The following CLTB variants were observed in gnomAD, a reference collection of about 807,000 sequenced individuals.
CLTB encodes the protein clathrin light chain B.
CLTB carries 10 observed loss-of-function variants against 30.5 expected under a neutral mutation model. That is an observed-to-expected ratio of 0.33 (90% confidence interval 0.20 to 0.56). The LOEUF is 0.56. Among genes scored for constraint, CLTB ranks in the 20% least tolerant of loss-of-function variants. The pLI, the probability that CLTB is intolerant of heterozygous loss-of-function variation, is 0.91. For missense variants in CLTB, 261 were observed against 308.3 expected, an observed-to-expected ratio of 0.85 and a Z score of 1.15; for synonymous variants, 102 against 120.3, an observed-to-expected ratio of 0.85 and a Z score of 1.00.
In CLTB at chr5:176,416,367, C is replaced by A. The variant is rs1757693618; in HGVS notation, c.-4G>T. On this transcript the variant is annotated 5_prime_UTR_variant, in exon 1 of 6. Coordinates refer to ENST00000310418, the MANE Select transcript of CLTB (RefSeq NM_007097.5). ...AGAAGCCAAAGTCATCAGCCATTTTCCCCGCGCCTCCGCCGGAGCCTCCGC... is the reference window on the plus strand; with the variant it reads ...AGAAGCCAAAGTCATCAGCCATTTTACCCGCGCCTCCGCCGGAGCCTCCGC... 1.3e-6 allele frequency: 2 copies of A among 1,585,652 alleles called. No homozygotes were observed. The highest frequency in any genetic ancestry group is 1.7e-6 in the Non-Finnish European group (2 of 1,169,848).
rs937394200 is a variant in CLTB at position 176,393,981 on chromosome 5, C to A, written c.519-1036G>T. Reference sequence around the variant, plus strand: ...TGCCAGACATGACTGATGGCAGGAGCGCTCCATGGAAGAGCTGACCCCGGA... The same window carrying A: ...TGCCAGACATGACTGATGGCAGGAGAGCTCCATGGAAGAGCTGACCCCGGA... On this transcript the variant is annotated intron_variant, in intron 5 of 5. Coordinates refer to ENST00000310418, the MANE Select transcript of CLTB (RefSeq NM_007097.5). The surrounding 1 kb of genome is among the most constrained non-coding windows in gnomAD (Gnocchi z 4.4). 1.3e-5 allele frequency among the ~76,000 whole-genome samples: 2 copies of A among 152,180 alleles called. No homozygotes were observed. The highest frequency in any genetic ancestry group is 2.9e-5 in the Non-Finnish European group (2 of 68,036).
chr5:176,398,460 C>T (rs2113638727), intron 2 of CLTB, among the ~76,000 whole-genome samples: 1 of 152,142 alleles, frequency 6.6e-6, no homozygotes, highest in South Asian at 2.1e-4. Context: ...ACCTGTAATC[C>T]CAACACTTTG....
Position 176,397,651 on chromosome 5 carries a change from G to T in CLTB, c.420C>A (p.Asn140Lys). The T allele has an allele frequency of 6.2e-7, 1 of 1,612,736 alleles. No homozygotes were observed. The highest frequency in any genetic ancestry group is 8.5e-7 in the Non-Finnish European group (1 of 1,179,780). The change falls in exon 4 of 6, where the codon AAC becomes AAA. Residue 140 changes from asparagine to lysine, a missense_variant. By Grantham distance (94) the Asn-to-Lys change is moderately conservative (BLOSUM62 0). This residue lies in a region of CLTB where 123 missense variants were observed against 157.0 expected (regional missense o/e 0.78). Transcript: ENST00000310418. The part of the protein sequence containing the change: ...EKAKKDLEEW[N>K]QRQSEQVEKN... ...TCTCTACTTGTTCACTCTGGCGCTG[G>T]TTCCACTCCTCCAGGTCCTTCTTGG...
chr5:176,401,398 C>T (rs1022608422), intron 2 of CLTB, among the ~76,000 whole-genome samples: 7 of 152,248 alleles, frequency 4.6e-5, no homozygotes, highest in African/African-American at 1.7e-4. Context: ...CCAATCCCCA[C>T]TCCTTGAGCA....
intron 2 of CLTB, chr5:176,406,711 G>T (rs762952429): frequency 1.2e-5 from 16 of 1,284,336 alleles, no homozygotes; most frequent in Middle Eastern, 2.2e-4. Context: ...TGCACGGGCT[G>T]CAGAAAAGAG....
Position 176,401,602 on chromosome 5 carries a change from A to G in CLTB, c.235-3555T>C, listed in dbSNP as rs1244623395. 1.3e-5 allele frequency: 5 copies of G among 394,836 alleles called. No homozygotes were observed. The East Asian group carries it at 3.6e-4, about 29-fold the overall frequency. 24.5% of individuals were successfully genotyped at this position (394,836 alleles called of 1,614,324 possible). A position where few individuals can be genotyped will look rare whatever the true frequency, so the allele number is the denominator to read the frequency against. On this transcript the variant is annotated intron_variant, in intron 2 of 5. Transcript: ENST00000310418. ...GCACTGTCTTTAGGGTGACATCCAC[A>G]TGGCATCGAGACCTCAGCCTTTAGG...
intron 3 of CLTB, 97 bp from the exon 4 acceptor site, chr5:176,397,815 C>T (rs1201521909): frequency 1.9e-5 from 28 of 1,484,278 alleles, no homozygotes; most frequent in South Asian, 1.5e-4. Flanking sequence ...GCCACAGGGC[C>T]GCACCGGCCC....
chr5:176,416,222 C>A lies in CLTB; in HGVS notation c.142G>T (p.Ala48Ser). Residue 48 changes from alanine (A) to serine (S), a missense_variant, in exon 1 of 6, where the codon GCC becomes TCC. Coordinates refer to ENST00000310418, the MANE Select transcript of CLTB (RefSeq NM_007097.5). ...TGCGCGGGGGCCGCATGGCTGCCGG[C>A]AGGTGCCCCGAAGCCCTCGTCGTTC... ...IENDEGFGAP[A>S]GSHAAPAQPG... The A allele has an allele frequency of 6.3e-7, 1 of 1,598,288 alleles. No homozygotes were observed.
Position 176,392,918 on chromosome 5 carries a change from T to A in CLTB, c.546A>T (p.Glu182Asp). Reference protein sequence around the residue: ...YVASEEAFVKESKEETPGTEW... With the variant: ...YVASEEAFVKDSKEETPGTEW... ...CTGTGCCTGGGGTCTCCTCCTTGGA[T>A]TCCTTCACGAAAGCCTCCTCGGATG... The change falls in exon 6 of 6, where the codon GAA becomes GAT. Residue 182 changes from glutamate (E) to aspartate (D), a missense_variant. By Grantham distance (45) the Glu-to-Asp change is conservative (BLOSUM62 2). Transcript: ENST00000310418. The surrounding 1 kb of genome is among the most constrained non-coding windows in gnomAD (Gnocchi z 5.2). 2 of 1,614,132 alleles carry A rather than the reference T, an allele frequency of 1.2e-6. No homozygotes were observed. The highest frequency in any genetic ancestry group is 1.7e-6 in the Non-Finnish European group (2 of 1,179,990).
At chr5:176,402,799 T>C (rs1395536829) in intron 2 of CLTB, among the ~76,000 whole-genome samples, 1 of 151,980 alleles carries the variant, frequency 6.6e-6, no homozygotes, top group African/African-American at 2.4e-5. Flanking sequence ...TGGAACACAG[T>C]TCAGATAAAG....
chr5:176,403,347 GC>G (rs140939844), intron 2 of CLTB, among the ~76,000 whole-genome samples: 3,897 of 151,866 alleles, frequency 0.026, 58 homozygotes, highest in Middle Eastern at 0.061. Flanking sequence ...ACTGCGCCTG[GC>G]CAAGCCTGCC....
At chr5:176,410,332 C>T in intron 1 of CLTB, 29 bp from the exon 2 acceptor site, 1 of 1,607,620 alleles carries the variant, frequency 6.2e-7, no homozygotes, top group Non-Finnish European at 8.5e-7. Flanking sequence ...GATAGCATTA[C>T]TCACTGTTTA....
At chr5:176,400,964 AAGGGCAGGCC>A (rs750189890) in intron 2 of CLTB, among the ~76,000 whole-genome samples, 13 of 152,144 alleles carry the variant, frequency 8.5e-5, no homozygotes, top group African/African-American at 1.7e-4. Flanking sequence ...GGAGTGAGGG[AAGGGCAGGCC>A]AGGGCAGGCC....
At chr5:176,400,689 CA>C (rs1407140732) in intron 2 of CLTB, among the ~76,000 whole-genome samples, 1 of 152,208 alleles carries the variant, frequency 6.6e-6, no homozygotes, top group Non-Finnish European at 1.5e-5. Context: ...CCCCTCCCAG[CA>C]ATAGTCTCCC....
At position 176,416,230 on chromosome 5, in the gene CLTB, C is replaced by A; in HGVS notation, c.134G>T (p.Gly45Val). ...IAGIENDEGF[G>V]APAGSHAAPA... Reference sequence around the variant, plus strand: ...GGCCGCATGGCTGCCGGCAGGTGCCCCGAAGCCCTCGTCGTTCTCTATGCC... The same window carrying A: ...GGCCGCATGGCTGCCGGCAGGTGCCACGAAGCCCTCGTCGTTCTCTATGCC... The change falls in exon 1 of 6, where the codon GGG (glycine) becomes GTG (valine). Residue 45 changes from glycine (G) to valine (V), a missense_variant. Gly to Val is a moderately radical substitution (Grantham distance 109, BLOSUM62 -3). Coordinates refer to ENST00000310418, the MANE Select transcript of CLTB (RefSeq NM_007097.5). 6.3e-7 allele frequency: 1 copy of A among 1,599,600 alleles called. No homozygotes were observed. Among genetic ancestry groups the A allele is most frequent in the East Asian group, 2.3e-5 (1 of 42,918 alleles).
intron 2 of CLTB, among the ~76,000 whole-genome samples, chr5:176,404,294 C>A (rs915446058): frequency 6.6e-6 from 1 of 152,214 alleles, no homozygotes; most frequent in African/African-American, 2.4e-5. Flanking sequence ...GGTCTCATGG[C>A]CCGCCTTCCT....
At chr5:176,394,404 G>A (rs1462956726) in intron 5 of CLTB, among the ~76,000 whole-genome samples, 1 of 152,252 alleles carries the variant, frequency 6.6e-6, no homozygotes, top group Non-Finnish European at 1.5e-5. Flanking sequence ...GGGCGCAGTG[G>A]CTCACTCCTG....
chr5:176,400,062 G>A (rs941565381), intron 2 of CLTB, among the ~76,000 whole-genome samples: 14 of 151,580 alleles, frequency 9.2e-5, no homozygotes, highest in South Asian at 2.1e-4. Flanking sequence ...GTGGTGGCCC[G>A]CACCTGTAAT....
At chr5:176,402,010 T>C in intron 2 of CLTB, 1 of 314,378 alleles carries the variant, frequency 3.2e-6, no homozygotes, top group Non-Finnish European at 6.3e-6. Flanking sequence ...CACTTTAAAA[T>C]ATCCAAAGGC....
Sources: allele counts gnomAD v4.1 joint callset (sites outside exome capture counted in the v4.1 genomes callset), GRCh38; gene constraint gnomAD v4.1.1; regional missense constraint gnomAD v4.1.1; non-coding constraint Gnocchi (gnomAD v3.1); transcripts MANE v1.5; gene names NCBI Gene and HGNC (gene_info 2026-07-23, HGNC 2026-07-21).